MCTP1: variants seen among roughly 807,000 people sequenced by gnomAD.
MCTP1 encodes the protein multiple C2 and transmembrane domain containing 1.
In MCTP1, 69 loss-of-function variants were observed where a neutral mutation model predicts 120.6. That is an observed-to-expected ratio of 0.57 (90% CI 0.47 to 0.70). The LOEUF is 0.70. Among genes scored for constraint, MCTP1 ranks in the 30% least tolerant of loss-of-function variants. MCTP1 has a pLI of 0.00. For synonymous variants in MCTP1, 529 were observed against 493.1 expected (o/e 1.07, Z -0.96); for missense variants, 1,203 against 1,248.8 (o/e 0.96, Z 0.55).
At chr5:94,911,434 C>T (rs937241198) in intron 9 of MCTP1, among the ~76,000 whole-genome samples, 3 of 152,140 alleles carry the variant, frequency 2.0e-5, no homozygotes, top group Non-Finnish European at 2.9e-5. Flanking sequence ...ATCATGGGGG[C>T]GGACATCCCC....
intron 19 of MCTP1, among the ~76,000 whole-genome samples, chr5:94,762,807 C>T (rs1385090522): frequency 6.6e-6 from 1 of 152,186 alleles, no homozygotes; most frequent in African/African-American, 2.4e-5. Context: ...ACCTACTTCC[C>T]CATTATCTGA....
chr5:95,216,686 A>C (rs1009277595), intron 1 of MCTP1, among the ~76,000 whole-genome samples: 1 of 152,074 alleles, frequency 6.6e-6, no homozygotes, highest in African/African-American at 2.4e-5. Context: ...TGAAATGGCA[A>C]AATTATAAAT....
chr5:95,215,946 C>A (rs1237517274), intron 1 of MCTP1, among the ~76,000 whole-genome samples: 3 of 151,990 alleles, frequency 2.0e-5, no homozygotes, highest in African/African-American at 4.8e-5. Context: ...ACAAGAAAAC[C>A]TTTATTCTAT....
intron 19 of MCTP1, among the ~76,000 whole-genome samples, chr5:94,770,282 A>G (rs1452103820): frequency 6.6e-6 from 1 of 152,194 alleles, no homozygotes. Flanking sequence ...GAATGTTGTC[A>G]ACCTCCCGAG....
At chr5:94,760,753 C>T (rs901258529) in intron 19 of MCTP1, among the ~76,000 whole-genome samples, 2 of 151,744 alleles carry the variant, frequency 1.3e-5, no homozygotes, top group African/African-American at 4.8e-5. Flanking sequence ...GGCACGATCA[C>T]AGCTCGCTGC....
chr5:94,898,815 CATTA>C (rs1309340691), intron 10 of MCTP1, among the ~76,000 whole-genome samples: 1 of 152,334 alleles, frequency 6.6e-6, no homozygotes, highest in African/African-American at 2.4e-5. Flanking sequence ...CTCAGTCTTA[CATTA>C]ATTAGTCATG....
At chr5:95,205,063 T>C (rs1751470044) in intron 1 of MCTP1, among the ~76,000 whole-genome samples, 1 of 152,118 alleles carries the variant, frequency 6.6e-6, no homozygotes, top group Non-Finnish European at 1.5e-5. Flanking sequence ...ATTGAAGTAC[T>C]CACACTTCAT....
intron 19 of MCTP1, among the ~76,000 whole-genome samples, chr5:94,756,020 C>T (rs1310519858): frequency 6.6e-6 from 1 of 152,116 alleles, no homozygotes; most frequent in Non-Finnish European, 1.5e-5. Context: ...GACAATTTTC[C>T]TGGGCACCCA....
rs1164306853 is a variant in MCTP1 at position 95,234,686 on chromosome 5, A to T, written c.720+49170T>A. On this transcript the variant is annotated intron_variant, in intron 1 of 22. Coordinates refer to ENST00000515393, the MANE Select transcript of MCTP1 (RefSeq NM_024717.7). Reference sequence around the variant, plus strand: ...TTATTACACATTCTATAAATATTAAAAGGAGAATAATGGAATAAAAATGAC... The same window carrying T: ...TTATTACACATTCTATAAATATTAATAGGAGAATAATGGAATAAAAATGAC... Among the ~76,000 whole-genome samples the T allele has an allele frequency of 2.0e-5, 3 of 152,258 alleles. No homozygotes were observed. The East Asian group carries it at 5.8e-4, about 29-fold the overall frequency.
chr5:94,742,145 G>C (rs953724834), intron 19 of MCTP1, among the ~76,000 whole-genome samples: 2 of 152,146 alleles, frequency 1.3e-5, no homozygotes, highest in African/African-American at 4.8e-5. Context: ...AAGAAATGAT[G>C]CTCGAACCCA....
intron 1 of MCTP1, among the ~76,000 whole-genome samples, chr5:95,158,708 T>C (rs148510137): frequency 2.2e-4 from 33 of 152,086 alleles, no homozygotes; most frequent in African/African-American, 7.5e-4. Context: ...GGAGGATCAC[T>C]TGACCTCACA....
chr5:95,128,759 C>T (rs1048755562), intron 1 of MCTP1, among the ~76,000 whole-genome samples: 3 of 152,098 alleles, frequency 2.0e-5, no homozygotes, highest in South Asian at 2.1e-4. Flanking sequence ...GCGGGTTGTG[C>T]GATCAATGCA....
intron 18 of MCTP1, chr5:94,789,550 T>G (rs183766017): frequency 6.6e-6 from 1 of 152,114 alleles, no homozygotes; most frequent in Non-Finnish European, 1.5e-5. Flanking sequence ...AAACATGGAG[T>G]TACTAAGTGA....
chr5:94,940,242 G>T, intron 4 of MCTP1, 47 bp from the exon 5 acceptor site: 2 of 1,075,552 alleles, frequency 1.9e-6, no homozygotes, highest in Non-Finnish European at 2.7e-6. Flanking sequence ...AAATGAATAA[G>T]CCAAATATAT....
At chr5:94,767,425 C>G (rs1259670065) in intron 19 of MCTP1, among the ~76,000 whole-genome samples, 1 of 151,902 alleles carries the variant, frequency 6.6e-6, no homozygotes, top group African/African-American at 2.4e-5. Flanking sequence ...AGCAATCAGG[C>G]AAGAGAAAGA....
intron 1 of MCTP1, 42 bp from the exon 2 acceptor site, chr5:95,017,526 C>T: frequency 2.5e-6 from 3 of 1,211,846 alleles, no homozygotes; most frequent in Non-Finnish European, 3.4e-6. Context: ...TTTATTATCT[C>T]TGTTCTATTT....
Position 95,284,534 on chromosome 5 carries a change from C to G in MCTP1, c.42G>C (p.Pro14=), listed in dbSNP as rs1232889371. 1.5e-5 allele frequency: 23 copies of G among 1,489,264 alleles called. No homozygotes were observed. The highest frequency in any genetic ancestry group is 2.0e-5 in the Non-Finnish European group (23 of 1,128,780). The allele number at this position is 1,489,264 out of a possible 1,614,324, so 92.3% of individuals were successfully genotyped here. The change falls in exon 1 of 23, where the codon CCG becomes CCC. Residue 14 remains proline, a synonymous_variant. Coordinates refer to ENST00000515393, the MANE Select transcript of MCTP1 (RefSeq NM_024717.7). The surrounding 1 kb of genome is among the most constrained non-coding windows in gnomAD (Gnocchi z 5.2). ...RAAAAGEPEP[P]AASSSFQARL... ...GGGCCTGGAAGGAGGAGGACGCCGCCGGCGGCTCTGGCTCGCCCGCCGCGG... is the reference window on the plus strand; with the variant it reads ...GGGCCTGGAAGGAGGAGGACGCCGCGGGCGGCTCTGGCTCGCCCGCCGCGG...
chr5:94,875,447 T>C (rs1418495412), intron 12 of MCTP1, among the ~76,000 whole-genome samples: 1 of 152,006 alleles, frequency 6.6e-6, no homozygotes, highest in African/African-American at 2.4e-5. Flanking sequence ...GTGGCAGGTC[T>C]CTGAAAAAAC....
intron 20 of MCTP1, among the ~76,000 whole-genome samples, chr5:94,714,088 TA>T (rs983905673): frequency 1.1e-4 from 16 of 151,876 alleles, no homozygotes; most frequent in South Asian, 2.1e-4. Context: ...ATACACCTTT[TA>T]AAAAAAATAT....
Sources: allele counts gnomAD v4.1 joint callset (sites outside exome capture counted in the v4.1 genomes callset), GRCh38; gene constraint gnomAD v4.1.1; non-coding constraint Gnocchi (gnomAD v3.1); transcripts MANE v1.5; gene names NCBI Gene and HGNC (gene_info 2026-07-23, HGNC 2026-07-21).